Variants in MBOAT2 observed in about 807,000 individuals in gnomAD.
The protein encoded by MBOAT2 is membrane-bound glycerophospholipid O-acyltransferase 2.
A neutral mutation model predicts 63.4 loss-of-function variants in MBOAT2; 28 were observed. The observed-to-expected ratio is 0.44, with a 90% CI of 0.33 to 0.61. The LOEUF is 0.61. MBOAT2 is among the 20% of genes least tolerant of loss of function. The pLI is 0.03. For synonymous variants in MBOAT2, 211 were observed against 215.6 expected (o/e 0.98, Z 0.19); for missense variants, 470 against 605.8 (o/e 0.78, Z 2.35).
chr2:8,917,581 A>C (rs1201795911), intron 3 of MBOAT2, among the ~76,000 whole-genome samples: 4 of 152,206 alleles, frequency 2.6e-5, no homozygotes, highest in African/African-American at 9.7e-5. Context: ...AAGGCTGAGA[A>C]CACCAACTGC....
chr2:8,907,804 C>T (rs1665439173), intron 4 of MBOAT2, among the ~76,000 whole-genome samples: 1 of 152,144 alleles, frequency 6.6e-6, no homozygotes, highest in African/African-American at 2.4e-5. Context: ...TTTCCTCTTT[C>T]TCTTCTAAAA....
chr2:8,881,261 G>C (rs1360680735), intron 6 of MBOAT2, among the ~76,000 whole-genome samples: 1 of 152,170 alleles, frequency 6.6e-6, no homozygotes, highest in African/African-American at 2.4e-5. Flanking sequence ...CAGAATCAAA[G>C]TAGGATTGCT....
chr2:8,940,359 T>C (rs1052744907), intron 3 of MBOAT2, among the ~76,000 whole-genome samples: 1 of 152,176 alleles, frequency 6.6e-6, no homozygotes, highest in Non-Finnish European at 1.5e-5. Context: ...TGGTGCGATC[T>C]TGGCTCACTG....
chr2:8,943,153 T>C (rs1446009259), intron 3 of MBOAT2, 34 bp downstream of exon 3: 3 of 1,261,748 alleles, frequency 2.4e-6, no homozygotes, highest in East Asian at 4.9e-5. Context: ...TCAAGTGAAA[T>C]ATATATTTTC....
intron 4 of MBOAT2, among the ~76,000 whole-genome samples, chr2:8,903,306 G>C (rs1665099281): frequency 6.6e-6 from 1 of 152,020 alleles, no homozygotes; most frequent in Non-Finnish European, 1.5e-5. Flanking sequence ...GCCTACAAAA[G>C]TACCTGGCTC....
chr2:8,888,256 G>T (rs946914390), intron 4 of MBOAT2, among the ~76,000 whole-genome samples, 183 bp from the exon 5 acceptor site: 8 of 152,144 alleles, frequency 5.3e-5, no homozygotes, highest in Admixed American at 1.3e-4. Flanking sequence ...CAGCATAGGC[G>T]ATGGGGATCT....
intron 2 of MBOAT2, 59 bp from the exon 3 acceptor site, chr2:8,943,323 A>C (rs1163740578): frequency 6.6e-6 from 7 of 1,065,504 alleles, no homozygotes; most frequent in Middle Eastern, 2.5e-4. Flanking sequence ...ATCAAGCTGA[A>C]GTGAATTAAG....
chr2:8,931,768 T>C (rs1217197323), intron 3 of MBOAT2, among the ~76,000 whole-genome samples: 2 of 152,162 alleles, frequency 1.3e-5, no homozygotes, highest in Non-Finnish European at 2.9e-5. Context: ...TTGTATAAGG[T>C]GTAAGGAAGG....
intron 1 of MBOAT2, among the ~76,000 whole-genome samples, chr2:8,959,488 G>T (rs1389162196): frequency 2.0e-5 from 3 of 149,222 alleles, no homozygotes; most frequent in African/African-American, 7.4e-5. Flanking sequence ...TTAAGACAGG[G>T]TCTTGCTCTG....
intron 3 of MBOAT2, among the ~76,000 whole-genome samples, chr2:8,935,627 C>T (rs1046928509): frequency 6.6e-6 from 1 of 152,210 alleles, no homozygotes. Context: ...GGTAGCTGAA[C>T]CCATTATTCC....
In MBOAT2 at chr2:8,908,731, T is replaced by C. The variant is rs369749126; in HGVS notation, c.300-15A>G. ...CAAAGCAGTAACTGCAAAACAAAAA[T>C]AAGCTACATTAATGAAAATAAGACT... On this transcript the variant is annotated splice_polypyrimidine_tract_variant and intron_variant, in intron 3 of 12. Coordinates refer to ENST00000305997, the MANE Select transcript of MBOAT2 (RefSeq NM_138799.4). 9.5e-6 allele frequency: 14 copies of C among 1,480,928 alleles called. No individual in the cohort carries two copies. Among genetic ancestry groups the C allele is most frequent in the African/African-American group, 8.4e-5 (6 of 71,772 alleles). The allele number at this position is 1,480,928 out of a possible 1,614,324, so 91.7% of individuals were successfully genotyped here. A position where few individuals can be genotyped will look rare whatever the true frequency, so the allele number is the denominator to read the frequency against.
chr2:8,894,467 C>A (rs560841589), intron 4 of MBOAT2, among the ~76,000 whole-genome samples: 89 of 152,338 alleles, frequency 5.8e-4, no homozygotes, highest in South Asian at 3.7e-3. Flanking sequence ...TTCATATCGA[C>A]CCTATTTACA....
intron 1 of MBOAT2, among the ~76,000 whole-genome samples, chr2:8,992,592 C>T (rs1211165295): frequency 2.6e-5 from 4 of 152,104 alleles, no homozygotes; most frequent in African/African-American, 9.7e-5. Context: ...TAACATATAC[C>T]ATACATGTAT....
At chr2:8,920,155 C>A (rs762399560) in intron 3 of MBOAT2, among the ~76,000 whole-genome samples, 1 of 152,118 alleles carries the variant, frequency 6.6e-6, no homozygotes, top group Non-Finnish European at 1.5e-5. Flanking sequence ...CCTGTGTTGT[C>A]TTCTGAAGTT....
intron 1 of MBOAT2, among the ~76,000 whole-genome samples, chr2:8,995,425 CT>C (rs1156992408): frequency 2.0e-5 from 3 of 152,186 alleles, no homozygotes; most frequent in Non-Finnish European, 2.9e-5. Context: ...CACCATCCAA[CT>C]TTAATATTGT....
intron 2 of MBOAT2, among the ~76,000 whole-genome samples, chr2:8,953,284 C>T (rs944875005): frequency 2.0e-5 from 3 of 152,208 alleles, no homozygotes; most frequent in African/African-American, 7.2e-5. Flanking sequence ...GAAAATAGCT[C>T]TCCAATCTGT....
chr2:8,996,021 T>C (rs1019334370), intron 1 of MBOAT2, among the ~76,000 whole-genome samples: 9 of 152,224 alleles, frequency 5.9e-5, no homozygotes, highest in African/African-American at 2.2e-4. Flanking sequence ...TCCCTGGCCC[T>C]CATTGGGTAT....
chr2:8,886,976 CA>C (rs1663604974), intron 5 of MBOAT2, among the ~76,000 whole-genome samples: 1 of 152,154 alleles, frequency 6.6e-6, no homozygotes. Context: ...GCAAGAACTA[CA>C]AGACACTGTG....
chr2:8,942,133 A>T (rs1197452137), intron 3 of MBOAT2, among the ~76,000 whole-genome samples: 1 of 152,238 alleles, frequency 6.6e-6, no homozygotes, highest in Non-Finnish European at 1.5e-5. Flanking sequence ...TTACAGAGGA[A>T]AAAGAAAAGT....
Sources: gnomAD v4.1 joint callset for allele counts (sites outside exome capture counted in the v4.1 genomes callset) on GRCh38, gnomAD v4.1.1 for gene constraint, MANE v1.5 for transcripts, NCBI Gene and HGNC (gene_info 2026-07-23, HGNC 2026-07-21) for gene names.